The following AKT3 variants were observed in gnomAD, a reference collection of about 807,000 sequenced individuals.
AKT3 encodes the protein AKT serine/threonine kinase 3, also known as RAC-gamma serine/threonine-protein kinase.
A neutral mutation model predicts 65.3 loss-of-function variants in AKT3; 15 were observed. The observed-to-expected ratio is 0.23, with a 90% CI of 0.15 to 0.35. The LOEUF is 0.35. AKT3 is among the 10% of genes least tolerant of loss of function. The pLI, the probability that AKT3 is intolerant of heterozygous loss-of-function variation, is 1.00. For synonymous variants in AKT3, 206 were observed against 183.8 expected, an observed-to-expected ratio of 1.12 and a Z score of -0.98; for missense variants, 243 against 576.5, an observed-to-expected ratio of 0.42 and a Z score of 5.92.
At position 243,619,896 on chromosome 1, in the gene AKT3, G is replaced by T. The variant is rs528144836; in HGVS notation, c.562-4735C>A. ...TTAGTTTTTGAGGAACTTTCATATGGTTTTCTATAGTGGTTATACTGATTT... is the reference window on the plus strand; with the variant it reads ...TTAGTTTTTGAGGAACTTTCATATGTTTTTCTATAGTGGTTATACTGATTT... On this transcript the variant is annotated intron_variant, in intron 6 of 13. Transcript: ENST00000673466. Among the ~76,000 whole-genome samples, 9 of 98,372 alleles carry T rather than the reference G, an allele frequency of 9.1e-5. 1 individual carries two copies. Among genetic ancestry groups the T allele is most frequent in the African/African-American group, 2.4e-4 (9 of 38,194 alleles). 64.5% of individuals were successfully genotyped at this position (98,372 alleles called of 152,430 possible).
At chr1:243,572,754 CAT>C (rs1177478569) in intron 9 of AKT3, among the ~76,000 whole-genome samples, 170 bp downstream of exon 9, 1 of 152,172 alleles carries the variant, frequency 6.6e-6, no homozygotes, top group Non-Finnish European at 1.5e-5. Flanking sequence ...CAACTACATA[CAT>C]GTTAGTGAAT....
At chr1:243,634,666 T>C (rs763068641) in intron 6 of AKT3, among the ~76,000 whole-genome samples, 5 of 151,790 alleles carry the variant, frequency 3.3e-5, no homozygotes, top group Non-Finnish European at 5.9e-5. Flanking sequence ...GCTATATTAA[T>C]ATCAGACAAA....
chr1:243,608,281 C>CAAA (rs2148590858), intron 8 of AKT3, among the ~76,000 whole-genome samples: 1 of 152,278 alleles, frequency 6.6e-6, no homozygotes, highest in South Asian at 2.1e-4. Context: ...CTTATATTGA[C>CAAA]AAACACATAA....
chr1:243,498,222 G>A (rs1574470613), downstream of AKT3, among the ~76,000 whole-genome samples: 1 of 150,230 alleles, frequency 6.7e-6, no homozygotes, highest in Non-Finnish European at 1.5e-5. Context: ...CAAACCCTGC[G>A]TTTGACAATC....
intron 4 of AKT3, among the ~76,000 whole-genome samples, chr1:243,648,357 A>G (rs1386827802): frequency 1.3e-5 from 2 of 152,136 alleles, no homozygotes; most frequent in Admixed American, 1.3e-4. Context: ...ACTTTATCAT[A>G]TTAATATGGT....
intron 1 of AKT3, among the ~76,000 whole-genome samples, 154 bp downstream of exon 1, chr1:243,849,886 C>T (rs2148491324): frequency 6.6e-6 from 1 of 152,086 alleles, no homozygotes; most frequent in South Asian, 2.1e-4. Flanking sequence ...CGCCCACGCC[C>T]CCGGCGCGGT....
rs138143563 is a variant in AKT3, at chr1:243,649,250, A to G, written c.285-3213T>C. Reference sequence around the variant, plus strand: ...CTGTGGATTACAGAACATACACCATATAACTTTCATCTTCCAAAATGTACT... The same window carrying G: ...CTGTGGATTACAGAACATACACCATGTAACTTTCATCTTCCAAAATGTACT... On this transcript the variant is annotated intron_variant, in intron 4 of 13. Transcript: ENST00000673466. Among the ~76,000 whole-genome samples, 15 of 152,090 alleles carry G rather than the reference A, an allele frequency of 9.9e-5. No homozygotes were observed. The East Asian group carries it at 2.5e-3, about 25-fold the overall frequency.
chr1:243,685,331 A>C (rs1684210690), intron 3 of AKT3, among the ~76,000 whole-genome samples: 1 of 152,154 alleles, frequency 6.6e-6, no homozygotes. Flanking sequence ...TAAGTCTTTA[A>C]TCCATCTTGA....
At chr1:243,745,462 G>A (rs867500029) in intron 2 of AKT3, among the ~76,000 whole-genome samples, 6 of 152,148 alleles carry the variant, frequency 3.9e-5, no homozygotes, top group South Asian at 2.1e-4. Flanking sequence ...GATGATTTTG[G>A]TCAATCCTCC....
rs1669586843 is a variant in AKT3 at position 243,505,184 on chromosome 1, G to C, written c.*65C>G. 5 of 1,463,150 alleles carry C rather than the reference G, an allele frequency of 3.4e-6. No individual in the cohort carries two copies. In the East Asian group the frequency reaches 1.1e-4, roughly 33 times the overall value. The allele number at this position is 1,463,150 out of a possible 1,614,324, so 90.6% of individuals were successfully genotyped here. On this transcript the variant is annotated 3_prime_UTR_variant, in exon 14 of 14. Transcript: ENST00000673466. ...GCTATGTGTAAGAGCTAGGACTGGT[G>C]ATGTCCAGGAATCATTTTCAGTAAT... is the stretch of plus-strand genomic sequence containing the variant.
At chr1:243,812,733 C>A (rs12136727) in intron 2 of AKT3, among the ~76,000 whole-genome samples, 76,743 of 151,814 alleles carry the variant, frequency 0.51, 23,495 homozygotes, top group Non-Finnish European at 0.68. Flanking sequence ...ATGTTTATTG[C>A]GACACTATTC....
chr1:243,687,240 C>A (rs147502639), intron 3 of AKT3, among the ~76,000 whole-genome samples: 2 of 152,114 alleles, frequency 1.3e-5, no homozygotes, highest in Non-Finnish European at 2.9e-5. Flanking sequence ...CCCTTTGATT[C>A]TAAATAAGCC....
At chr1:243,519,189 A>T (rs1648891020) in intron 12 of AKT3, among the ~76,000 whole-genome samples, 1 of 152,204 alleles carries the variant, frequency 6.6e-6, no homozygotes. Flanking sequence ...AGCAGAAACA[A>T]CAGCCAACAC....
intron 13 of AKT3, among the ~76,000 whole-genome samples, chr1:243,511,100 G>A (rs1374212184): frequency 6.6e-6 from 1 of 152,250 alleles, no homozygotes; most frequent in Non-Finnish European, 1.5e-5. Flanking sequence ...TGGAAACTCT[G>A]CCTCACCACA....
intron 8 of AKT3, among the ~76,000 whole-genome samples, chr1:243,579,304 A>T (rs1185527250): frequency 6.6e-6 from 1 of 152,204 alleles, no homozygotes; most frequent in Admixed American, 6.5e-5. Context: ...TAAGACTGAG[A>T]AAGCAAAGAA....
At chr1:243,773,207 A>C (rs866309699) in intron 2 of AKT3, among the ~76,000 whole-genome samples, 76 of 145,284 alleles carry the variant, frequency 5.2e-4, no homozygotes, top group African/African-American at 1.8e-3. Context: ...ATATATAAAA[A>C]ATATATATAT....
At position 243,761,445 on chromosome 1, in the gene AKT3, G is replaced by GA. The variant is rs1190459798; in HGVS notation, c.47-65730dup. Among the ~76,000 whole-genome samples the GA allele has an allele frequency of 5.3e-5, 8 of 151,978 alleles. No homozygotes were observed. In the Middle Eastern group the frequency reaches 0.01, roughly 194 times the overall value. ...AGTAAAAACATCCTTTAAAAATATG[G>GA]AAAAAATGAATGCATTTTCGCACAA... On this transcript the variant is annotated intron_variant, in intron 2 of 13. Coordinates refer to ENST00000673466, the MANE Select transcript of AKT3 (RefSeq NM_005465.7).
chr1:243,727,086 A>G (rs1357905183), intron 2 of AKT3, among the ~76,000 whole-genome samples: 1 of 152,240 alleles, frequency 6.6e-6, no homozygotes, highest in East Asian at 1.9e-4. Context: ...TCACACAAGC[A>G]TAAATGTGAA....
At chr1:243,747,972 T>C (rs1198828939) in intron 2 of AKT3, among the ~76,000 whole-genome samples, 2 of 152,190 alleles carry the variant, frequency 1.3e-5, no homozygotes, top group Non-Finnish European at 2.9e-5. Flanking sequence ...TTTTCAACCA[T>C]AATGACCTGT....
Sources: allele counts gnomAD v4.1 joint callset (sites outside exome capture counted in the v4.1 genomes callset), GRCh38; gene constraint gnomAD v4.1.1; transcripts MANE v1.5; gene names NCBI Gene and HGNC (gene_info 2026-07-23, HGNC 2026-07-21).